RSPH14: variants seen among roughly 807,000 people sequenced by gnomAD.
RSPH14 encodes the protein rhabdoid tumor deletion region gene 1.
In RSPH14, 20 loss-of-function variants were observed where a neutral mutation model predicts 26.7. That is an observed-to-expected ratio of 0.75 (90% confidence interval 0.53 to 1.09). The LOEUF (loss-of-function observed/expected upper bound fraction) is 1.09, where lower values mean the gene tolerates loss of function less well. Among genes scored for constraint, RSPH14 ranks in the 50% least tolerant of loss-of-function variants. The probability of loss-of-function intolerance (pLI) is 0.00; values close to 1 mark genes in which losing one functional copy is unlikely to be tolerated. For missense variants in RSPH14, 449 were observed against 457.2 expected (o/e 0.98, Z 0.16); for synonymous variants, 177 against 189.3 (o/e 0.93, Z 0.53).
intron 4 of RSPH14, 64 bp from the exon 5 acceptor site, chr22:23,064,197 G>A (rs2068154341): frequency 1.3e-6 from 2 of 1,484,668 alleles, no homozygotes; most frequent in Admixed American, 1.7e-5. Flanking sequence ...ATGCCAGTTG[G>A]CCTGCAGGGC....
intron 4 of RSPH14, chr22:23,123,769 C>G: frequency 3.2e-6 from 1 of 310,264 alleles, no homozygotes; most frequent in Non-Finnish European, 6.1e-6. Context: ...GGCCCCACTC[C>G]ACTTGGGGGT....
chr22:23,082,134 AC>A (rs1164987673), intron 4 of RSPH14, among the ~76,000 whole-genome samples: 21 of 119,396 alleles, frequency 1.8e-4, no homozygotes, highest in African/African-American at 6.1e-4. Context: ...CAAAAAAAAA[AC>A]AAAAAAAAAA....
chr22:23,160,913 C>T, the RSPH14 span: 33 of 1,613,792 alleles, frequency 2.0e-5, no homozygotes, highest in East Asian at 1.3e-4. Context: ...GCCGCGTAGC[C>T]GCCCTGGCAT....
Position 23,064,071 on chromosome 22 carries a change from C to T in RSPH14, c.484G>A (p.Val162Met), listed in dbSNP as rs779903497. 78 of 1,614,100 alleles carry T rather than the reference C, an allele frequency of 4.8e-5. 1 individual carries two copies. The South Asian group carries it at 8.1e-4, about 17-fold the overall frequency. Residue 162 changes from valine (V) to methionine (M), a missense_variant, in exon 5 of 7, where the codon GTG (valine) becomes ATG (methionine). Transcript: ENST00000216036. ...AACTCCTGGAACTCCTCCTCCTCCACCTCCACCTGCAGCTTCCATACCAGT... is the reference window on the plus strand; with the variant it reads ...AACTCCTGGAACTCCTCCTCCTCCATCTCCACCTGCAGCTTCCATACCAGT... ...SSLVWKLQVE[V>M]EEEEFQEFIL...
At chr22:23,092,025 G>C (rs1461102089) in intron 4 of RSPH14, among the ~76,000 whole-genome samples, 1 of 152,108 alleles carries the variant, frequency 6.6e-6, no homozygotes, top group Non-Finnish European at 1.5e-5. Flanking sequence ...CATTCCTCTG[G>C]TATTTCTAGC....
At chr22:23,116,216 G>A (rs2069831670) in intron 4 of RSPH14, among the ~76,000 whole-genome samples, 1 of 152,258 alleles carries the variant, frequency 6.6e-6, no homozygotes, top group South Asian at 2.1e-4. Context: ...GGGCTGAGGG[G>A]CCTTCTGGGG....
upstream of RSPH14, among the ~76,000 whole-genome samples, chr22:23,148,428 A>T (rs908989820): frequency 6.6e-6 from 1 of 152,192 alleles, no homozygotes; most frequent in Non-Finnish European, 1.5e-5. Context: ...CGAGGATCAG[A>T]GTTAAGGAGG....
At chr22:23,162,245 G>A in the RSPH14 span, 1 of 215,786 alleles carries the variant, frequency 4.6e-6, no homozygotes, top group Non-Finnish European at 9.3e-6. Context: ...GAGATCCCTA[G>A]GTCCTGCCCT....
upstream of RSPH14, chr22:23,146,668 A>T (rs767122131): frequency 6.2e-7 from 1 of 1,613,996 alleles, no homozygotes; most frequent in East Asian, 2.2e-5. Context: ...CGACCGTGTC[A>T]TCGCCAGCTT....
intron 4 of RSPH14, among the ~76,000 whole-genome samples, chr22:23,065,016 C>G (rs1406492724): frequency 6.6e-6 from 1 of 152,182 alleles, no homozygotes; most frequent in South Asian, 2.1e-4. Flanking sequence ...CAGCTGCCCT[C>G]GCCACTGCCC....
At chr22:23,108,294 A>G (rs2069543475) in intron 4 of RSPH14, among the ~76,000 whole-genome samples, 1 of 152,256 alleles carries the variant, frequency 6.6e-6, no homozygotes, top group Non-Finnish European at 1.5e-5. Flanking sequence ...TAGGCAGGCC[A>G]TGGGCAATGA....
At chr22:23,078,884 TCAGGATCGGCCAAGTC>T (rs1338502997) in intron 4 of RSPH14, among the ~76,000 whole-genome samples, 1 of 152,172 alleles carries the variant, frequency 6.6e-6, no homozygotes. Flanking sequence ...TGGGGCAGCA[TCAGGATCGGCCAAGTC>T]CAGGTGGGCG....
At chr22:23,170,093 T>TAAAAAAAAAAAAAAAAAACCAAAAA in the RSPH14 span, among the ~76,000 whole-genome samples, 1 of 137,022 alleles carries the variant, frequency 7.3e-6, no homozygotes, top group Non-Finnish European at 1.6e-5. Flanking sequence ...CAAGACCCTT[T>TAAAAAAAAAAAAAAAAAACCAAAAA]AAAAAAAAAA....
At chr22:23,161,619 CG>C in the RSPH14 span, 1 of 1,460,522 alleles carries the variant, frequency 6.8e-7, no homozygotes, top group Non-Finnish European at 9.4e-7. Flanking sequence ...CAGGAATTTC[CG>C]TGACTGTGGT....
At chr22:23,106,852 C>G (rs1225979753) in intron 4 of RSPH14, among the ~76,000 whole-genome samples, 1 of 152,230 alleles carries the variant, frequency 6.6e-6, no homozygotes, top group Non-Finnish European at 1.5e-5. Context: ...ACCTGGACAT[C>G]CCGCTGCTGC....
chr22:23,152,405 G>C, the RSPH14 span: 1 of 1,578,362 alleles, frequency 6.3e-7, no homozygotes, highest in Non-Finnish European at 8.7e-7. Flanking sequence ...GGCTGTGAGT[G>C]TCTGAAGACA....
At chr22:23,072,004 A>G (rs1054547894) in intron 4 of RSPH14, among the ~76,000 whole-genome samples, 1 of 152,022 alleles carries the variant, frequency 6.6e-6, no homozygotes. Context: ...TATGGTGGAG[A>G]CCACGGCTTC....
chr22:23,133,483 G>C (rs1389838100), intron 4 of RSPH14, among the ~76,000 whole-genome samples: 2 of 152,222 alleles, frequency 1.3e-5, no homozygotes, highest in Non-Finnish European at 2.9e-5. Context: ...TTCTGGAGAG[G>C]TGGTAAATAC....
chr22:23,135,317 CAAAAAA>C (rs55649510), intron 3 of RSPH14, among the ~76,000 whole-genome samples: 6 of 85,890 alleles, frequency 7.0e-5, no homozygotes, highest in African/African-American at 2.3e-4. Flanking sequence ...ACTAAAAATA[CAAAAAA>C]AAAAAAAAAA....
Sources: gnomAD v4.1 joint callset for allele counts (sites outside exome capture counted in the v4.1 genomes callset) on GRCh38, gnomAD v4.1.1 for gene constraint, MANE v1.5 for transcripts, NCBI Gene and HGNC (gene_info 2026-07-23, HGNC 2026-07-21) for gene names.